The following GRM8 variants were observed in gnomAD, a reference collection of about 807,000 sequenced individuals.
The protein encoded by GRM8 is glutamate metabotropic receptor 8, also known as metabotropic glutamate receptor 8.
GRM8 carries 47 observed loss-of-function variants against 87.2 expected under a neutral mutation model. That is an observed-to-expected ratio of 0.54 (90% CI 0.43 to 0.69). GRM8 has a LOEUF of 0.69. Ranked by LOEUF, GRM8 falls within the 30% of genes least tolerant of loss-of-function variation. The probability of loss-of-function intolerance (pLI) is 0.00; values close to 1 mark genes in which losing one functional copy is unlikely to be tolerated. For synonymous variants in GRM8, 396 were observed against 404.5 expected (o/e 0.98, Z 0.25); for missense variants, 1,019 against 1,139.2 (o/e 0.89, Z 1.52).
chr7:127,072,047 G>C (rs1821745032), intron 3 of GRM8, among the ~76,000 whole-genome samples: 1 of 150,836 alleles, frequency 6.6e-6, no homozygotes, highest in South Asian at 2.1e-4. Context: ...TGTCTTCAGT[G>C]CCGCTCTTCT....
intron 2 of GRM8, among the ~76,000 whole-genome samples, chr7:127,107,983 G>A (rs943253182): frequency 2.0e-5 from 3 of 152,306 alleles, no homozygotes; most frequent in East Asian, 1.9e-4. Context: ...TGCATTGGCC[G>A]TAACAGAGAG....
rs142695208 is a variant in GRM8, at chr7:126,620,380, C to T, written c.1358-10882G>A. On this transcript the variant is annotated intron_variant, in intron 7 of 10. Coordinates refer to ENST00000339582, the MANE Select transcript of GRM8 (RefSeq NM_000845.3). ...TAATGTTTACTCATCAGGTGCTACC[C>T]TTAGATGTCACACATCTCCTTGAAT... is the stretch of plus-strand genomic sequence containing the variant. Among the ~76,000 whole-genome samples the T allele has an allele frequency of 5.1e-3, 783 of 152,232 alleles. 7 individuals carry two copies. Among genetic ancestry groups the T allele is most frequent in the African/African-American group, 0.018 (746 of 41,532 alleles).
chr7:126,596,451 G>T (rs1797209437), intron 8 of GRM8, among the ~76,000 whole-genome samples: 1 of 152,108 alleles, frequency 6.6e-6, no homozygotes, highest in Non-Finnish European at 1.5e-5. Context: ...CTACATGTAT[G>T]CCTTCTTTTG....
chr7:126,762,999 G>A (rs1371821699), intron 7 of GRM8, among the ~76,000 whole-genome samples: 1 of 151,440 alleles, frequency 6.6e-6, no homozygotes, highest in Non-Finnish European at 1.5e-5. Context: ...TTTTTCAAAT[G>A]TTTATTAACA....
chr7:127,106,478 T>A lies in GRM8; in HGVS notation c.727+18A>T, dbSNP rs1825814058. On this transcript the variant is annotated intron_variant, in intron 3 of 10. Transcript: ENST00000339582. ...TCTGTCACCTCCAAATACAATCATC[T>A]GATAAATATATGCTTACCAATCTCC... 1.3e-6 allele frequency: 2 copies of A among 1,591,094 alleles called. No individual in the cohort carries two copies. Among genetic ancestry groups the A allele is most frequent in the Non-Finnish European group, 8.6e-7 (1 of 1,159,800 alleles).
intron 7 of GRM8, among the ~76,000 whole-genome samples, chr7:126,628,083 C>T (rs993685924): frequency 3.9e-5 from 6 of 152,052 alleles, no homozygotes; most frequent in African/African-American, 1.4e-4. Flanking sequence ...CTCGCTCTGT[C>T]GCCCAGGCTG....
At chr7:126,852,648 T>C (rs73228921) in intron 6 of GRM8, among the ~76,000 whole-genome samples, 1 of 152,262 alleles carries the variant, frequency 6.6e-6, no homozygotes, top group South Asian at 2.1e-4. Flanking sequence ...TTAAAATGTA[T>C]TGAGAGTATT....
chr7:126,993,445 A>T (rs1212962709), intron 3 of GRM8, among the ~76,000 whole-genome samples: 1 of 152,208 alleles, frequency 6.6e-6, no homozygotes, highest in East Asian at 1.9e-4. Context: ...AAAAGTCTCC[A>T]CAAATTGTCT....
intron 2 of GRM8, among the ~76,000 whole-genome samples, chr7:127,111,779 C>A (rs1378151411): frequency 1.3e-5 from 2 of 152,166 alleles, no homozygotes; most frequent in African/African-American, 2.4e-5. Flanking sequence ...GTAATCCCAG[C>A]AGTTTGGGAG....
chr7:126,727,646 T>C (rs1201022807), intron 7 of GRM8, among the ~76,000 whole-genome samples: 3 of 151,808 alleles, frequency 2.0e-5, no homozygotes, highest in Admixed American at 6.6e-5. Flanking sequence ...TTAAAGTGGA[T>C]TTTAAAGCAT....
At chr7:126,525,642 G>A (rs896636030) in intron 9 of GRM8, among the ~76,000 whole-genome samples, 17 of 152,138 alleles carry the variant, frequency 1.1e-4, no homozygotes, top group Admixed American at 5.2e-4. Context: ...TCCCTTCTTT[G>A]AATTTCTCCA....
intron 3 of GRM8, among the ~76,000 whole-genome samples, chr7:127,000,104 A>C (rs1813576105): frequency 6.6e-6 from 1 of 151,834 alleles, no homozygotes; most frequent in Non-Finnish European, 1.5e-5. Context: ...CATGGATGAG[A>C]CTGGAGGTAA....
intron 6 of GRM8, among the ~76,000 whole-genome samples, chr7:126,792,942 C>G (rs1273319549): frequency 6.6e-6 from 1 of 152,192 alleles, no homozygotes; most frequent in Admixed American, 6.5e-5. Flanking sequence ...TTCTCCTTCT[C>G]TACTGAAGTC....
In GRM8 at chr7:127,252,833, C is replaced by CG; in HGVS notation, c.-349dup. The CG allele has an allele frequency of 4.8e-6, 1 of 208,332 alleles. No homozygotes were observed. Among genetic ancestry groups the CG allele is most frequent in the Non-Finnish European group, 9.2e-6 (1 of 108,224 alleles). 12.9% of individuals were successfully genotyped at this position (208,332 alleles called of 1,614,324 possible). On this transcript the variant is annotated 5_prime_UTR_variant, in exon 1 of 11. The change abolishes the stop of an existing upstream ORF in the 5' untranslated region. Transcript: ENST00000339582. The surrounding 1 kb of genome is among the most constrained non-coding windows in gnomAD (Gnocchi z 4.9). The stretch of plus-strand genomic sequence containing the variant: ...CAGAGGGCGCGGTGAGGAAGCCCGC[C>CG]GGGGGCCCGCAGCTCCATGTCAGCG...
chr7:127,142,851 A>G (rs1337972130), intron 2 of GRM8, among the ~76,000 whole-genome samples: 1 of 152,164 alleles, frequency 6.6e-6, no homozygotes, highest in Non-Finnish European at 1.5e-5. Flanking sequence ...AAATCCCTGC[A>G]TTTATGATGT....
At chr7:126,857,445 A>G (rs1247956394) in intron 6 of GRM8, among the ~76,000 whole-genome samples, 5 of 152,060 alleles carry the variant, frequency 3.3e-5, no homozygotes, top group Non-Finnish European at 5.9e-5. Flanking sequence ...TGGCATCATC[A>G]TTTGCTCCCT....
chr7:127,084,655 T>C (rs1302017173), intron 3 of GRM8: 1 of 152,116 alleles, frequency 6.6e-6, no homozygotes, highest in African/African-American at 2.4e-5. Flanking sequence ...GAGTAGATCA[T>C]CACTGAGGGA....
intron 7 of GRM8, among the ~76,000 whole-genome samples, chr7:126,621,323 A>G (rs909685714): frequency 2.6e-5 from 4 of 152,184 alleles, no homozygotes; most frequent in African/African-American, 9.7e-5. Flanking sequence ...CATTTCTGTT[A>G]TCTCTTTGGT....
intron 7 of GRM8, among the ~76,000 whole-genome samples, chr7:126,645,994 C>A (rs1441405921): frequency 1.3e-5 from 2 of 152,142 alleles, no homozygotes; most frequent in Non-Finnish European, 2.9e-5. Flanking sequence ...CTTTTACTCA[C>A]CCCCTCCCTC....
Sources: gnomAD v4.1 joint callset for allele counts (sites outside exome capture counted in the v4.1 genomes callset) on GRCh38, gnomAD v4.1.1 for gene constraint, Gnocchi (gnomAD v3.1) non-coding constraint, MANE v1.5 for transcripts, NCBI Gene and HGNC (gene_info 2026-07-23, HGNC 2026-07-21) for gene names.